Variants in PPP3CA observed in about 807,000 individuals in gnomAD.
PPP3CA encodes protein phosphatase 3 catalytic subunit alpha, also known as CAM-PRP catalytic subunit.
Under a neutral mutation model 66.5 loss-of-function variants are expected in PPP3CA, and 14 were observed. The ratio of observed to expected loss-of-function variants is 0.21; its 90% CI spans 0.14 to 0.33. The LOEUF is 0.33. Among genes scored for constraint, PPP3CA ranks in the 10% least tolerant of loss-of-function variants. PPP3CA has a pLI of 1.00. For missense variants in PPP3CA, 317 were observed against 639.5 expected, an observed-to-expected ratio of 0.50 and a Z score of 5.44; for synonymous variants, 232 against 226.2, an observed-to-expected ratio of 1.03 and a Z score of -0.23.
At chr4:101,249,129 T>C (rs1343551576) in intron 1 of PPP3CA, among the ~76,000 whole-genome samples, 2 of 151,390 alleles carry the variant, frequency 1.3e-5, no homozygotes, top group Non-Finnish European at 2.9e-5. Flanking sequence ...CACTGCAGTC[T>C]GCAGTCCGGC....
At position 101,023,530 on chromosome 4, in the gene PPP3CA, T is replaced by G. The variant is rs1016271878; in HGVS notation, c.*2335A>C. On this transcript the variant is annotated 3_prime_UTR_variant, in exon 14 of 14. Coordinates refer to ENST00000394854, the MANE Select transcript of PPP3CA (RefSeq NM_000944.5). ...AAATGAATTTTTTTTAGTCAGGATA[T>G]TTTCTCTGCAGTTATAAGAAAGAAA... 8 of 152,272 alleles carry G rather than the reference T, an allele frequency of 5.3e-5. No homozygotes were observed. Among genetic ancestry groups the G allele is most frequent in the African/African-American group, 1.9e-4 (8 of 41,462 alleles). The allele number at this position is 152,272 out of a possible 1,614,324, so 9.4% of individuals were successfully genotyped here.
At chr4:101,078,947 C>A (rs149836368) in intron 8 of PPP3CA, among the ~76,000 whole-genome samples, 449 of 152,332 alleles carry the variant, frequency 2.9e-3, no homozygotes, top group African/African-American at 0.01. Flanking sequence ...CTAGGAACTG[C>A]CTCCTTTCTT....
chr4:101,025,846 A>ATTG lies in PPP3CA; in HGVS notation c.*18_*19insCAA. 7.0e-7 allele frequency: 1 copy of ATTG among 1,419,288 alleles called. No individual in the cohort carries two copies. Among genetic ancestry groups the ATTG allele is most frequent in the Non-Finnish European group, 9.4e-7 (1 of 1,068,100 alleles). The allele number at this position is 1,419,288 out of a possible 1,614,324, so 87.9% of individuals were successfully genotyped here. On this transcript the variant is annotated 3_prime_UTR_variant, in exon 14 of 14. Coordinates refer to ENST00000394854, the MANE Select transcript of PPP3CA (RefSeq NM_000944.5). ...AAAAAAAAAAAAAAAAAAAAAAAAA[A>ATTG]AAAGTGAACAGGAAGTGGTCACTGA...
chr4:101,137,502 T>C lies in PPP3CA; in HGVS notation c.260-28424A>G, dbSNP rs559528798. ...TGTCCAGGCTCTCCCAGGTGTGCTA[T>C]TGGGAATCATGTCATTTCCACAGCT... On this transcript the variant is annotated intron_variant, in intron 2 of 13. Coordinates refer to ENST00000394854, the MANE Select transcript of PPP3CA (RefSeq NM_000944.5). Among the ~76,000 whole-genome samples, 17 of 152,162 alleles carry C rather than the reference T, an allele frequency of 1.1e-4. No individual in the cohort carries two copies. The South Asian group carries it at 3.3e-3, about 30-fold the overall frequency.
At chr4:101,228,383 A>G (rs1049935930) in intron 1 of PPP3CA, among the ~76,000 whole-genome samples, 1 of 151,646 alleles carries the variant, frequency 6.6e-6, no homozygotes, top group Non-Finnish European at 1.5e-5. Context: ...CATAGCATCC[A>G]TAGCATATAA....
chr4:101,340,241 G>A (rs1246407669), intron 1 of PPP3CA, among the ~76,000 whole-genome samples: 1 of 152,128 alleles, frequency 6.6e-6, no homozygotes, highest in African/African-American at 2.4e-5. Context: ...CAGACAGGTA[G>A]ACCATTTTTT....
At chr4:101,088,070 T>G (rs1729746304) in intron 6 of PPP3CA, among the ~76,000 whole-genome samples, 1 of 152,202 alleles carries the variant, frequency 6.6e-6, no homozygotes, top group East Asian at 1.9e-4. Context: ...TTGAACCTAA[T>G]CCATTCCCCC....
Position 101,137,730 on chromosome 4 carries a change from G to A in PPP3CA, c.260-28652C>T, listed in dbSNP as rs1722667943. On this transcript the variant is annotated intron_variant, in intron 2 of 13. Coordinates refer to ENST00000394854, the MANE Select transcript of PPP3CA (RefSeq NM_000944.5). ...TTCACAGGATCATCATCCTACATTAGTTTTAACTAGCCAATGCAATGCTTC... is the reference window on the plus strand; with the variant it reads ...TTCACAGGATCATCATCCTACATTAATTTTAACTAGCCAATGCAATGCTTC... Among the ~76,000 whole-genome samples, 6 of 152,024 alleles carry A rather than the reference G, an allele frequency of 3.9e-5. 1 individual carries two copies. Among genetic ancestry groups the A allele is most frequent in the Admixed American group, 3.9e-4 (6 of 15,272 alleles).
At chr4:101,026,893 G>GA (rs531567174) in intron 13 of PPP3CA, among the ~76,000 whole-genome samples, 2 of 151,992 alleles carry the variant, frequency 1.3e-5, no homozygotes, top group Non-Finnish European at 2.9e-5. Flanking sequence ...TAATAACAAG[G>GA]AAAAAAATGC....
At chr4:101,088,159 C>T (rs762027278) in intron 6 of PPP3CA, among the ~76,000 whole-genome samples, 5 of 151,978 alleles carry the variant, frequency 3.3e-5, no homozygotes, top group African/African-American at 7.3e-5. Flanking sequence ...TGTGTGTGCG[C>T]GTGTGTGTAA....
intron 1 of PPP3CA, among the ~76,000 whole-genome samples, chr4:101,275,353 C>T (rs372361099): frequency 7.9e-5 from 12 of 152,316 alleles, no homozygotes; most frequent in African/African-American, 2.9e-4. Context: ...TATGTACTCT[C>T]ACAGTACCAT....
chr4:101,139,993 G>A (rs1722753797), intron 2 of PPP3CA, among the ~76,000 whole-genome samples: 1 of 151,862 alleles, frequency 6.6e-6, no homozygotes, highest in African/African-American at 2.4e-5. Flanking sequence ...TTAGCTGTTG[G>A]TAACAAATTA....
At position 101,099,605 on chromosome 4, in the gene PPP3CA, A is replaced by G; in HGVS notation, c.496+6T>C. ...TGTTAAAGGAAGGAGGTTGAAGTAT[A>G]CTTACATTCTTGTTTAAATGTGAAA... is the stretch of plus-strand genomic sequence containing the variant. On this transcript the variant is annotated splice_donor_region_variant and intron_variant, in intron 4 of 13. Transcript: ENST00000394854. 6.6e-7 allele frequency: 1 copy of G among 1,511,910 alleles called. No homozygotes were observed. The highest frequency in any genetic ancestry group is 9.1e-7 in the Non-Finnish European group (1 of 1,101,108). 93.7% of individuals were successfully genotyped at this position (1,511,910 alleles called of 1,614,324 possible).
chr4:101,122,292 G>A (rs949212753), intron 2 of PPP3CA, among the ~76,000 whole-genome samples: 1 of 152,206 alleles, frequency 6.6e-6, no homozygotes, highest in South Asian at 2.1e-4. Context: ...GTTCTGTGGA[G>A]TGGAAGGGTT....
intron 2 of PPP3CA, among the ~76,000 whole-genome samples, chr4:101,166,711 C>T (rs528895131): frequency 6.6e-6 from 1 of 152,204 alleles, no homozygotes; most frequent in East Asian, 1.9e-4. Flanking sequence ...GTATTTAGTT[C>T]ATCATTTAAA....
At chr4:101,316,456 G>A (rs182219965) in intron 1 of PPP3CA, among the ~76,000 whole-genome samples, 311 of 152,108 alleles carry the variant, frequency 2.0e-3, no homozygotes, top group Middle Eastern at 3.4e-3. Flanking sequence ...ACATTATAAA[G>A]AATTACTGTT....
chr4:101,223,516 T>A (rs1295236384), intron 1 of PPP3CA, among the ~76,000 whole-genome samples: 1 of 151,754 alleles, frequency 6.6e-6, no homozygotes. Context: ...TTAGTTCTCT[T>A]CCCCTGATTC....
At chr4:101,176,750 T>C (rs772104302) in intron 2 of PPP3CA, among the ~76,000 whole-genome samples, 5 of 152,132 alleles carry the variant, frequency 3.3e-5, no homozygotes, top group Non-Finnish European at 7.4e-5. Context: ...TATTAAATTT[T>C]AATTACTGTG....
intron 1 of PPP3CA, among the ~76,000 whole-genome samples, chr4:101,235,469 A>G (rs983119840): frequency 6.6e-6 from 1 of 150,660 alleles, no homozygotes; most frequent in Non-Finnish European, 1.5e-5. Flanking sequence ...TGGATATATA[A>G]TATGTGCATT....
Sources: gnomAD v4.1 joint callset for allele counts (sites outside exome capture counted in the v4.1 genomes callset) on GRCh38, gnomAD v4.1.1 for gene constraint, MANE v1.5 for transcripts, NCBI Gene and HGNC (gene_info 2026-07-23, HGNC 2026-07-21) for gene names.